PRCC: variants seen among roughly 807,000 people sequenced by gnomAD.
The protein encoded by PRCC is proline rich mitotic checkpoint control factor.
Under a neutral mutation model 44.0 loss-of-function variants are expected in PRCC, and 10 were observed. The ratio of observed to expected loss-of-function variants is 0.23; its 90% CI spans 0.14 to 0.39. PRCC has a LOEUF of 0.39. Among genes scored for constraint, PRCC ranks in the 10% least tolerant of loss-of-function variants. The pLI, the probability that PRCC is intolerant of heterozygous loss-of-function variation, is 1.00. For synonymous variants in PRCC, 278 were observed against 259.5 expected, an observed-to-expected ratio of 1.07 and a Z score of -0.69; for missense variants, 573 against 624.7, an observed-to-expected ratio of 0.92 and a Z score of 0.88.
chr1:156,797,794 A>G (rs1652709411), intron 6 of PRCC, among the ~76,000 whole-genome samples: 1 of 152,212 alleles, frequency 6.6e-6, no homozygotes, highest in Non-Finnish European at 1.5e-5. Context: ...TCAGAATTAC[A>G]GGTAATCCAA....
chr1:156,779,852 C>G (rs978701641), intron 1 of PRCC, among the ~76,000 whole-genome samples: 1 of 151,514 alleles, frequency 6.6e-6, no homozygotes, highest in Non-Finnish European at 1.5e-5. Context: ...AGGAAGTGCT[C>G]CCAAAGTGCC....
chr1:156,787,254 C>T, intron 3 of PRCC, 80 bp downstream of exon 3: 1 of 1,425,434 alleles, frequency 7.0e-7, no homozygotes, highest in Non-Finnish European at 9.5e-7. Flanking sequence ...GTGATACAGC[C>T]TCTGTGGTGT....
chr1:156,798,215 A>G (rs1328642553), intron 6 of PRCC, among the ~76,000 whole-genome samples: 1 of 152,228 alleles, frequency 6.6e-6, no homozygotes, highest in Non-Finnish European at 1.5e-5. Context: ...ACTGTTGACC[A>G]GAATCCTTAC....
intron 2 of PRCC, among the ~76,000 whole-genome samples, chr1:156,784,664 C>T (rs112415892): frequency 1.3e-5 from 2 of 152,210 alleles, no homozygotes; most frequent in African/African-American, 4.8e-5. Context: ...ATGAGCAGTT[C>T]TGTGTGGCTT....
intron 2 of PRCC, 116 bp from the exon 3 acceptor site, chr1:156,786,492 G>A: frequency 9.3e-7 from 1 of 1,076,120 alleles, no homozygotes; most frequent in Non-Finnish European, 1.3e-6. Context: ...AGAAACAAGG[G>A]CTGGTAAGAT....
In PRCC at chr1:156,791,218, C is replaced by A; in HGVS notation, c.1084-479C>A. On this transcript the variant is annotated intron_variant, in intron 3 of 6. Coordinates refer to ENST00000271526, the MANE Select transcript of PRCC (RefSeq NM_005973.5). ...TTTTAAATCAGAGATCTATAACCTC[C>A]CCACCCGGTTTAGACTGTTTCCCTG... 5 of 1,227,504 alleles carry A rather than the reference C, an allele frequency of 4.1e-6. No individual in the cohort carries two copies. The East Asian group carries it at 1.7e-4, about 42-fold the overall frequency. The allele number at this position is 1,227,504 out of a possible 1,614,324, so 76.0% of individuals were successfully genotyped here.
At chr1:156,787,238 G>C (rs1652287116) in intron 3 of PRCC, 64 bp downstream of exon 3, 1 of 1,508,364 alleles carries the variant, frequency 6.6e-7, no homozygotes, top group East Asian at 2.3e-5. Flanking sequence ...GGAGAGCTTT[G>C]AGCTAGTGAT....
intron 3 of PRCC, chr1:156,791,046 T>C: frequency 7.4e-7 from 1 of 1,355,128 alleles, no homozygotes; most frequent in Non-Finnish European, 1.0e-6. Context: ...TGCCCTTGCC[T>C]TCACCCTCCT....
At chr1:156,789,201 C>G (rs777061576) in intron 3 of PRCC, among the ~76,000 whole-genome samples, 1 of 152,230 alleles carries the variant, frequency 6.6e-6, no homozygotes, top group Non-Finnish European at 1.5e-5. Context: ...AACTCCTGAT[C>G]TCAGGTGATC....
intron 2 of PRCC, among the ~76,000 whole-genome samples, chr1:156,786,213 G>C (rs1261816968): frequency 6.6e-6 from 1 of 152,186 alleles, no homozygotes; most frequent in African/African-American, 2.4e-5. Context: ...TGTGTTAAGA[G>C]GTCCCTTCAG....
In PRCC at chr1:156,767,583, G is replaced by A. The variant is rs1651440136; in HGVS notation, c.-189G>A. 1.6e-6 allele frequency: 1 copy of A among 620,730 alleles called. No homozygotes were observed. The highest frequency in any genetic ancestry group is 3.0e-5 in the Admixed American group (1 of 33,178). 38.5% of individuals were successfully genotyped at this position (620,730 alleles called of 1,614,324 possible). A position where few individuals can be genotyped will look rare whatever the true frequency, so the allele number is the denominator to read the frequency against. On this transcript the variant is annotated 5_prime_UTR_variant, in exon 1 of 7. Transcript: ENST00000271526. ...CCGGGACTAGGAGCTTAAGTGAAGA[G>A]GTACGCCTTGTTCGGTGGAAATCAG...
chr1:156,776,091 C>A (rs1381771241), intron 1 of PRCC, among the ~76,000 whole-genome samples: 1 of 152,236 alleles, frequency 6.6e-6, no homozygotes, highest in Admixed American at 6.5e-5. Flanking sequence ...TGCAGTGGCT[C>A]ATGCCTGCAA....
At chr1:156,784,482 A>T (rs1652162458) in intron 2 of PRCC, among the ~76,000 whole-genome samples, 1 of 152,174 alleles carries the variant, frequency 6.6e-6, no homozygotes, top group Non-Finnish European at 1.5e-5. Context: ...TAGGACTGCA[A>T]AATGTTGTAG....
At position 156,782,328 on chromosome 1, in the gene PRCC, A is replaced by C. The variant is rs139727655; in HGVS notation, c.515A>C (p.Gln172Pro). 2.1e-4 allele frequency: 337 copies of C among 1,605,258 alleles called. No individual in the cohort carries two copies. The highest frequency in any genetic ancestry group is 3.3e-4 in the Middle Eastern group (2 of 6,058). Residue 172 changes from glutamine to proline, a missense_variant and splice_region_variant, in exon 2 of 7, where the codon CAG becomes CCG. By Grantham distance (76) the Gln-to-Pro change is moderately conservative. Around this residue, in one of 4 missense-constraint regions of PRCC, gnomAD observed 118 missense variants for 166.7 expected, o/e 0.71. Coordinates refer to ENST00000271526, the MANE Select transcript of PRCC (RefSeq NM_005973.5). ...CCCACAAAGAAGAAAACTATCCTTC[A>C]GGTAAGCATTGTGATATAAACCATT... ...DEPTKKKTIL[Q>P]GSSEGTGLSA...
chr1:156,793,394 A>G (rs1263733403), intron 4 of PRCC, among the ~76,000 whole-genome samples: 1 of 151,962 alleles, frequency 6.6e-6, no homozygotes, highest in East Asian at 1.9e-4. Context: ...TCTTCACCCC[A>G]CATTTGCTTT....
chr1:156,771,801 G>C (rs1308028870), intron 1 of PRCC, among the ~76,000 whole-genome samples: 2 of 152,094 alleles, frequency 1.3e-5, no homozygotes, highest in African/African-American at 4.8e-5. Context: ...AAAGTACTGG[G>C]ATTACAGATG....
intron 1 of PRCC, among the ~76,000 whole-genome samples, chr1:156,775,733 A>T (rs983312246): frequency 6.6e-6 from 1 of 151,814 alleles, no homozygotes; most frequent in Admixed American, 6.6e-5. Context: ...CTGGTCTCGA[A>T]CTCCTGATCT....
chr1:156,793,943 T>C (rs1381044718), intron 4 of PRCC, among the ~76,000 whole-genome samples: 3 of 130,748 alleles, frequency 2.3e-5, no homozygotes, highest in Non-Finnish European at 4.6e-5. Flanking sequence ...ATATTCTTTT[T>C]TTCTTTCTTT....
intron 1 of PRCC, 30 bp downstream of exon 1, chr1:156,768,269 T>G: frequency 6.5e-7 from 1 of 1,534,482 alleles, no homozygotes; most frequent in Non-Finnish European, 8.7e-7. Context: ...ACCCCCAAAC[T>G]GTCCATCGGG....
Sources: gnomAD v4.1 joint callset for allele counts (sites outside exome capture counted in the v4.1 genomes callset) on GRCh38, gnomAD v4.1.1 for gene constraint, gnomAD v4.1.1 regional missense constraint, MANE v1.5 for transcripts, NCBI Gene and HGNC (gene_info 2026-07-23, HGNC 2026-07-21) for gene names.